The following HEATR6 variants were observed in gnomAD, a reference collection of about 807,000 sequenced individuals.
HEATR6 encodes the protein HEAT repeat containing 6.
HEATR6 carries 106 observed loss-of-function variants against 132.8 expected under a neutral mutation model. That is an observed-to-expected ratio of 0.80 (90% CI 0.68 to 0.94). HEATR6 has a LOEUF of 0.94. HEATR6 is among the 40% of genes least tolerant of loss of function. The pLI, the probability that HEATR6 is intolerant of heterozygous loss-of-function variation, is 0.00. For synonymous variants in HEATR6, 529 were observed against 537.8 expected, an observed-to-expected ratio of 0.98 and a Z score of 0.23; for missense variants, 1,339 against 1,425.1, an observed-to-expected ratio of 0.94 and a Z score of 0.97.
chr17:60,054,407 G>A (rs533092359), intron 14 of HEATR6, among the ~76,000 whole-genome samples: 52 of 152,352 alleles, frequency 3.4e-4, no homozygotes, highest in Admixed American at 2.3e-3. Context: ...GAGATGTGAG[G>A]TTGGAGCCCC....
Position 60,043,473 on chromosome 17 carries a change from C to T in HEATR6, c.*90G>A. 9.4e-7 allele frequency: 1 copy of T among 1,068,334 alleles called. No homozygotes were observed. Among genetic ancestry groups the T allele is most frequent in the Non-Finnish European group, 1.4e-6 (1 of 723,256 alleles). The allele number at this position is 1,068,334 out of a possible 1,614,324, so 66.2% of individuals were successfully genotyped here. Reference sequence around the variant, plus strand: ...TAAATAAATAGTGAACGGATTGTTTCTGCCCCTAAGATGAAATCCCACAGA... The same window carrying T: ...TAAATAAATAGTGAACGGATTGTTTTTGCCCCTAAGATGAAATCCCACAGA... On this transcript the variant is annotated 3_prime_UTR_variant, in exon 20 of 20. Transcript: ENST00000184956.
chr17:60,047,310 T>A lies in HEATR6; in HGVS notation c.2768A>T (p.Lys923Met). Residue 923 changes from lysine to methionine, a missense_variant and splice_region_variant, in exon 18 of 20, where the codon AAG becomes ATG. Lys to Met is a moderately conservative substitution (Grantham distance 95). Coordinates refer to ENST00000184956, the MANE Select transcript of HEATR6 (RefSeq NM_022070.5). ...TACTGGGTTTTGTTGTGAGTCTACC[T>A]TGTCTTTATCCTTGGATGCTTCTAT... ...SAIEASKDKD[K>M]VKSNAVRALG... 6.2e-7 allele frequency: 1 copy of A among 1,600,400 alleles called. No individual in the cohort carries two copies. Among genetic ancestry groups the A allele is most frequent in the Non-Finnish European group, 8.6e-7 (1 of 1,168,982 alleles).
intron 18 of HEATR6, 62 bp downstream of exon 18, chr17:60,047,247 C>CA: frequency 9.4e-7 from 1 of 1,067,304 alleles, no homozygotes; most frequent in East Asian, 2.5e-5. Context: ...TGAACTACCA[C>CA]ACTGCAGCTA....
At chr17:60,055,028 G>T (rs890025310) in intron 14 of HEATR6, among the ~76,000 whole-genome samples, 1 of 152,124 alleles carries the variant, frequency 6.6e-6, no homozygotes, top group Non-Finnish European at 1.5e-5. Context: ...TGTCCTTGTG[G>T]TAATGAGTGA....
chr17:60,062,325 A>G (rs572169245), intron 9 of HEATR6, among the ~76,000 whole-genome samples: 54 of 152,318 alleles, frequency 3.5e-4, no homozygotes, highest in African/African-American at 1.3e-3. Flanking sequence ...TTAAGTTTTC[A>G]TTGTCTGAAT....
intron 9 of HEATR6, chr17:60,064,661 TG>T (rs2083230332): frequency 6.6e-6 from 1 of 152,144 alleles, no homozygotes; most frequent in African/African-American, 2.4e-5. Context: ...AAGGAAGTTC[TG>T]TATCTTTTTT....
In HEATR6 at chr17:60,050,985, G is replaced by A. The variant is rs978560935; in HGVS notation, c.2290-8C>T. 1.1e-5 allele frequency: 17 copies of A among 1,613,676 alleles called. No individual in the cohort carries two copies. The highest frequency in any genetic ancestry group is 1.7e-5 in the Admixed American group (1 of 59,934). On this transcript the variant is annotated splice_polypyrimidine_tract_variant and splice_region_variant and intron_variant, in intron 14 of 19. Coordinates refer to ENST00000184956, the MANE Select transcript of HEATR6 (RefSeq NM_022070.5). The stretch of plus-strand genomic sequence containing the variant: ...AGTCCAGAACATCACCACCTGGAAC[G>A]GAGGCAAAGTAAAAGCTGCAGCCCA...
chr17:60,050,636 T>C (rs185962553), intron 15 of HEATR6, among the ~76,000 whole-genome samples: 1 of 152,186 alleles, frequency 6.6e-6, no homozygotes, highest in Non-Finnish European at 1.5e-5. Context: ...TACACTCTCA[T>C]GCACAGGGGG....
At chr17:60,050,318 C>A (rs1183758751) in intron 15 of HEATR6, among the ~76,000 whole-genome samples, 1 of 152,142 alleles carries the variant, frequency 6.6e-6, no homozygotes, top group Non-Finnish European at 1.5e-5. Context: ...ATTCCAGCCT[C>A]CAGAACTATG....
chr17:60,072,639 A>G (rs1164894832), intron 4 of HEATR6, among the ~76,000 whole-genome samples: 3 of 152,152 alleles, frequency 2.0e-5, no homozygotes, highest in African/African-American at 7.2e-5. Context: ...AATAATCCAG[A>G]CAGGTCCTGT....
chr17:60,046,280 C>A (rs543144902), intron 18 of HEATR6, 51 bp from the exon 19 acceptor site: 4 of 1,443,240 alleles, frequency 2.8e-6, no homozygotes, highest in Admixed American at 4.2e-5. Context: ...AGAGATGTTT[C>A]CAAAAGTCTA....
Position 60,050,974 on chromosome 17 carries a change from C to A in HEATR6, c.2293G>T (p.Val765Leu). The change falls in exon 15 of 20, where the codon GTG becomes TTG. Residue 765 changes from valine (V) to leucine (L), a missense_variant. Val to Leu is a conservative substitution (Grantham distance 32, BLOSUM62 1). Coordinates refer to ENST00000184956, the MANE Select transcript of HEATR6 (RefSeq NM_022070.5). The part of the protein sequence containing the change: ...PDQRAPVFLV[V>L]MFWTMMLNGP... ...TTCAGCATCATAGTCCAGAACATCA[C>A]CACCTGGAACGGAGGCAAAGTAAAA... 6.2e-7 allele frequency: 1 copy of A among 1,613,970 alleles called. No homozygotes were observed. Among genetic ancestry groups the A allele is most frequent in the Non-Finnish European group, 8.5e-7 (1 of 1,179,932 alleles).
intron 1 of HEATR6, 100 bp from the exon 2 acceptor site, chr17:60,076,337 A>C: frequency 1.6e-6 from 1 of 633,716 alleles, no homozygotes; most frequent in Non-Finnish European, 2.8e-6. Flanking sequence ...ATTCACATTC[A>C]AAATGGGGAA....
Position 60,073,624 on chromosome 17 carries a change from G to A in HEATR6, c.468+122C>T, listed in dbSNP as rs556704968. 7.8e-6 allele frequency: 7 copies of A among 902,020 alleles called. No individual in the cohort carries two copies. In the African/African-American group the frequency reaches 8.4e-5, roughly 11 times the overall value. The allele number at this position is 902,020 out of a possible 1,614,324, so 55.9% of individuals were successfully genotyped here. A position where few individuals can be genotyped will look rare whatever the true frequency, so the allele number is the denominator to read the frequency against. On this transcript the variant is annotated intron_variant, in intron 3 of 19. Coordinates refer to ENST00000184956, the MANE Select transcript of HEATR6 (RefSeq NM_022070.5). ...ACTATTTTATACATGAGGAAACAAGGCCCAGAGTGGTTGAATAAGAATTGC... is the reference window on the plus strand; with the variant it reads ...ACTATTTTATACATGAGGAAACAAGACCCAGAGTGGTTGAATAAGAATTGC...
intron 19 of HEATR6, among the ~76,000 whole-genome samples, chr17:60,045,682 T>C (rs932689224): frequency 3.3e-5 from 5 of 152,222 alleles, no homozygotes; most frequent in African/African-American, 1.2e-4. Context: ...CAATCACTGT[T>C]AATAATTAGT....
Position 60,043,812 on chromosome 17 carries a change from C to T in HEATR6, c.3297G>A (p.Gly1099=), listed in dbSNP as rs1030528997. The part of the protein sequence containing the change: ...PCMKETLELS[G]NMVQSYILQF... ...GTAGAATATAGGACTGGACCATATT[C>T]CCACTCAGTTCAAGGGTTTCTTTCA... The change falls in exon 20 of 20, where the codon GGG becomes GGA. Residue 1099 remains glycine (G), a synonymous_variant. Transcript: ENST00000184956. 6.2e-7 allele frequency: 1 copy of T among 1,614,188 alleles called. No individual in the cohort carries two copies. Among genetic ancestry groups the T allele is most frequent in the South Asian group, 1.1e-5 (1 of 91,080 alleles).
intron 8 of HEATR6, 35 bp from the exon 9 acceptor site, chr17:60,066,421 A>T (rs1276880154): frequency 3.4e-6 from 5 of 1,465,658 alleles, no homozygotes; most frequent in Non-Finnish European, 4.6e-6. Context: ...AAAAACACTT[A>T]AAAAATCATT....
intron 9 of HEATR6, among the ~76,000 whole-genome samples, chr17:60,061,925 TG>T (rs2083214267): frequency 1.3e-5 from 2 of 152,190 alleles, no homozygotes; most frequent in South Asian, 2.1e-4. Flanking sequence ...AAAAATCGAA[TG>T]GAAAGAAATG....
At chr17:60,044,883 C>T (rs1906309907) in intron 19 of HEATR6, among the ~76,000 whole-genome samples, 1 of 152,214 alleles carries the variant, frequency 6.6e-6, no homozygotes, top group South Asian at 2.1e-4. Flanking sequence ...TGGGCCACTG[C>T]TAGAGCTATG....
Sources: gnomAD v4.1 joint callset for allele counts (sites outside exome capture counted in the v4.1 genomes callset) on GRCh38, gnomAD v4.1.1 for gene constraint, MANE v1.5 for transcripts, NCBI Gene and HGNC (gene_info 2026-07-23, HGNC 2026-07-21) for gene names.